Variants in TCF7L2 observed in about 807,000 individuals in gnomAD.
TCF7L2 encodes transcription factor 7-like 2.
Under a neutral mutation model 77.9 loss-of-function variants are expected in TCF7L2, and 23 were observed. The ratio of observed to expected loss-of-function variants is 0.30; its 90% CI spans 0.21 to 0.42. The LOEUF (loss-of-function observed/expected upper bound fraction) is 0.42, where lower values mean the gene tolerates loss of function less well. Among genes scored for constraint, TCF7L2 ranks in the 10% least tolerant of loss-of-function variants. The pLI is 1.00. For synonymous variants in TCF7L2, 413 were observed against 340.2 expected (o/e 1.21, Z -2.36); for missense variants, 654 against 793.1 (o/e 0.82, Z 2.11).
At chr10:113,160,547 C>T in intron 12 of TCF7L2, 1 of 1,383,136 alleles carries the variant, frequency 7.2e-7, no homozygotes, top group Non-Finnish European at 9.9e-7. Flanking sequence ...GAAGCTGTAG[C>T]TGAGATTTCA....
chr10:113,155,794 G>A lies in TCF7L2; in HGVS notation c.1270-2227G>A, dbSNP rs549359173. On this transcript the variant is annotated intron_variant, in intron 11 of 13. Coordinates refer to ENST00000627217, the MANE Select transcript of TCF7L2 (RefSeq NM_001146274.2). ...CCTGCCTGTTCCAGGATAGCCAGGTGGCACTTTGCCCCTCACGTGGGAGAG... is the reference window on the plus strand; with the variant it reads ...CCTGCCTGTTCCAGGATAGCCAGGTAGCACTTTGCCCCTCACGTGGGAGAG... 6.6e-5 allele frequency among the ~76,000 whole-genome samples: 10 copies of A among 152,336 alleles called. No homozygotes were observed. The South Asian group carries it at 1.4e-3, about 22-fold the overall frequency.
At chr10:112,985,271 T>A (rs2041269843) in intron 4 of TCF7L2, among the ~76,000 whole-genome samples, 1 of 152,156 alleles carries the variant, frequency 6.6e-6, no homozygotes, top group African/African-American at 2.4e-5. Context: ...TCTCTTCTGG[T>A]TAAATTTCTT....
chr10:112,951,033 GGGC>G, intron 1 of TCF7L2, 88 bp downstream of exon 1: 1 of 1,483,928 alleles, frequency 6.7e-7, no homozygotes, highest in Admixed American at 2.5e-5. Context: ...TCGGGGCTGG[GGGC>G]GGCGGCGGGG....
intron 4 of TCF7L2, among the ~76,000 whole-genome samples, chr10:112,988,768 A>T (rs941166683): frequency 6.6e-6 from 1 of 152,192 alleles, no homozygotes; most frequent in African/African-American, 2.4e-5. Flanking sequence ...TTGTTTATTC[A>T]GCAATCATTC....
chr10:112,977,568 G>A (rs1023243802), intron 4 of TCF7L2, among the ~76,000 whole-genome samples: 1 of 152,174 alleles, frequency 6.6e-6, no homozygotes, highest in African/African-American at 2.4e-5. Context: ...GCTTGAACTG[G>A]CGTGATGTTA....
intron 5 of TCF7L2, among the ~76,000 whole-genome samples, chr10:113,137,858 T>C (rs2067652859): frequency 6.6e-6 from 1 of 152,238 alleles, no homozygotes; most frequent in South Asian, 2.1e-4. Flanking sequence ...TCCTTGTCCC[T>C]AAGGGACTTA....
chr10:113,134,250 T>C (rs2067057610), intron 5 of TCF7L2, among the ~76,000 whole-genome samples: 1 of 151,602 alleles, frequency 6.6e-6, no homozygotes, highest in Non-Finnish European at 1.5e-5. Context: ...GGTAAAATGC[T>C]CTGAGGAAGC....
intron 4 of TCF7L2, among the ~76,000 whole-genome samples, chr10:113,013,268 G>A (rs188088913): frequency 3.3e-5 from 5 of 152,114 alleles, no homozygotes; most frequent in African/African-American, 4.8e-5. Flanking sequence ...ACAGGCGTGC[G>A]CCCCCACACC....
chr10:113,011,877 A>C (rs1000901383), intron 4 of TCF7L2, among the ~76,000 whole-genome samples: 3 of 151,588 alleles, frequency 2.0e-5, no homozygotes, highest in African/African-American at 7.3e-5. Flanking sequence ...TGCTACCTTG[A>C]GTATTGCTGT....
chr10:113,036,588 T>A (rs191840713), intron 4 of TCF7L2, among the ~76,000 whole-genome samples: 37 of 152,278 alleles, frequency 2.4e-4, no homozygotes, highest in Admixed American at 2.2e-3. Context: ...TAAAATATGA[T>A]TTGGGGAAAA....
Position 113,002,506 on chromosome 10 carries a change from C to CA in TCF7L2, c.451-37518dup, listed in dbSNP as rs561672320. Among the ~76,000 whole-genome samples the CA allele has an allele frequency of 5.8e-4, 89 of 152,228 alleles. 2 individuals are homozygous for CA. The South Asian group carries it at 0.019, about 32-fold the overall frequency. On this transcript the variant is annotated intron_variant, in intron 4 of 13. Coordinates refer to ENST00000627217, the MANE Select transcript of TCF7L2 (RefSeq NM_001146274.2). The stretch of plus-strand genomic sequence containing the variant: ...ACAGGAGTCATCCAGCCCAACATGT[C>CA]ACTAGTGCTGCAGTGGAGAAGCCCT...
At chr10:112,953,233 G>A (rs2134262960) in intron 3 of TCF7L2, among the ~76,000 whole-genome samples, 1 of 152,148 alleles carries the variant, frequency 6.6e-6, no homozygotes, top group Non-Finnish European at 1.5e-5. Flanking sequence ...TTATGGCTAG[G>A]GAAGAGAAAT....
At chr10:113,060,497 G>C (rs1022503516) in intron 5 of TCF7L2, among the ~76,000 whole-genome samples, 4 of 152,130 alleles carry the variant, frequency 2.6e-5, no homozygotes, top group Admixed American at 2.6e-4. Context: ...AGAGGTTTCT[G>C]TTCTTGGAAG....
chr10:113,156,335 C>T (rs747606471), intron 11 of TCF7L2, among the ~76,000 whole-genome samples: 1 of 152,086 alleles, frequency 6.6e-6, no homozygotes, highest in Non-Finnish European at 1.5e-5. Flanking sequence ...AGGATGGTCT[C>T]GATCTCTTGA....
At chr10:113,160,743 G>A (rs2073033340) in intron 13 of TCF7L2, 5 of 1,507,510 alleles carry the variant, frequency 3.3e-6, no homozygotes, top group Non-Finnish European at 4.5e-6. Context: ...CTGTCCTTCC[G>A]GTACCTTAGC....
chr10:113,144,763 ATTATT>A, intron 7 of TCF7L2, among the ~76,000 whole-genome samples: 1 of 152,326 alleles, frequency 6.6e-6, no homozygotes, highest in Non-Finnish European at 1.5e-5. Flanking sequence ...CAGTGCCCAG[ATTATT>A]TGACTAACTT....
chr10:113,098,049 CAAAAAAAAAAA>C (rs34632183), intron 5 of TCF7L2, among the ~76,000 whole-genome samples: 1 of 59,368 alleles, frequency 1.7e-5, no homozygotes, highest in South Asian at 7.0e-4. Context: ...GACTCTGTCT[CAAAAAAAAAAA>C]AAAAAAAAAA....
chr10:113,153,211 C>T (rs11594566), intron 11 of TCF7L2, among the ~76,000 whole-genome samples: 21,765 of 152,296 alleles, frequency 0.14, 2,166 homozygotes, highest in Admixed American at 0.23. Context: ...CTCCCATGAG[C>T]ACGCTGTCTT....
chr10:113,007,370 T>A (rs1019481334), intron 4 of TCF7L2, among the ~76,000 whole-genome samples: 1 of 151,964 alleles, frequency 6.6e-6, no homozygotes, highest in Non-Finnish European at 1.5e-5. Flanking sequence ...GCTGGCTCCC[T>A]TTCCTGCTCA....
Sources: allele counts gnomAD v4.1 joint callset (sites outside exome capture counted in the v4.1 genomes callset), GRCh38; gene constraint gnomAD v4.1.1; transcripts MANE v1.5; gene names NCBI Gene and HGNC (gene_info 2026-07-23, HGNC 2026-07-21).